CNTFR: variants seen among roughly 807,000 people sequenced by gnomAD.
CNTFR encodes the protein ciliary neurotrophic factor receptor subunit alpha.
Under a neutral mutation model 40.4 loss-of-function variants are expected in CNTFR, and 12 were observed. The observed-to-expected ratio is 0.30, with a 90% confidence interval of 0.19 to 0.48. The LOEUF (loss-of-function observed/expected upper bound fraction) is 0.48. CNTFR is among the 20% of genes least tolerant of loss of function. CNTFR has a pLI of 0.99. For synonymous variants in CNTFR, 202 were observed against 209.6 expected (o/e 0.96, Z 0.31); for missense variants, 414 against 506.8 (o/e 0.82, Z 1.76).
At chr9:34,576,940 G>A (rs1256279523) in intron 2 of CNTFR, among the ~76,000 whole-genome samples, 1 of 152,252 alleles carries the variant, frequency 6.6e-6, no homozygotes, top group Non-Finnish European at 1.5e-5. Context: ...AGAAAGGGCA[G>A]GAGAAGGGAA....
intron 2 of CNTFR, among the ~76,000 whole-genome samples, chr9:34,576,941 G>A (rs1395331875): frequency 6.6e-6 from 1 of 152,234 alleles, no homozygotes. Flanking sequence ...GAAAGGGCAG[G>A]AGAAGGGAAG....
rs1458486381 is a variant in CNTFR, at chr9:34,564,588, G to C, written c.319+11C>G. 1 of 1,599,232 alleles carries C rather than the reference G, an allele frequency of 6.3e-7. No individual in the cohort carries two copies. Among genetic ancestry groups the C allele is most frequent in the South Asian group, 1.1e-5 (1 of 88,756 alleles). On this transcript the variant is annotated intron_variant, in intron 4 of 9. Coordinates refer to ENST00000378980, the MANE Select transcript of CNTFR (RefSeq NM_147164.3). ...GAGGGAGGCTGGATGAGGGGTGGGG[G>C]CAACACTTACAGCCCACATGCAGCA...
chr9:34,551,952 TGAA>T lies in CNTFR; in HGVS notation c.*116_*118del. On this transcript the variant is annotated 3_prime_UTR_variant, in exon 10 of 10. Coordinates refer to ENST00000378980, the MANE Select transcript of CNTFR (RefSeq NM_147164.3). ...CGCCGGGGTCTCCACAAATTGTGTC[TGAA>T]GAGAATGCAAAAGGTCCTCCTGCCC... 1.4e-6 allele frequency: 1 copy of T among 740,404 alleles called. No individual in the cohort carries two copies. Among genetic ancestry groups the T allele is most frequent in the South Asian group, 1.5e-5 (1 of 68,038 alleles). 45.9% of individuals were successfully genotyped at this position (740,404 alleles called of 1,614,324 possible).
rs777784287 is a variant in CNTFR at position 34,556,370 on chromosome 9, T to C, written c.653A>G (p.Asn218Ser). 3 of 1,613,744 alleles carry C rather than the reference T, an allele frequency of 1.9e-6. No individual in the cohort carries two copies. The highest frequency in any genetic ancestry group is 4.5e-5 in the East Asian group (2 of 44,842). The change falls in exon 7 of 10, where the codon AAC becomes AGC. Residue 218 changes from asparagine (N) to serine (S), a missense_variant. Coordinates refer to ENST00000378980, the MANE Select transcript of CNTFR (RefSeq NM_147164.3). ...ENVVARPVPS[N>S]PRRLEVTWQT... ...CCACGTCACCTCCAGCCGGCGAGGGTTGCTGGGCACTGGCCGGGCTACCAC... is the reference window on the plus strand; with the variant it reads ...CCACGTCACCTCCAGCCGGCGAGGGCTGCTGGGCACTGGCCGGGCTACCAC...
At chr9:34,570,986 G>A (rs1361269016) in intron 2 of CNTFR, among the ~76,000 whole-genome samples, 1 of 152,050 alleles carries the variant, frequency 6.6e-6, no homozygotes, top group Non-Finnish European at 1.5e-5. Context: ...TGCCCTGACT[G>A]CCCCTCCCTG....
At chr9:34,568,720 G>A (rs1826426424) in intron 3 of CNTFR, among the ~76,000 whole-genome samples, 177 bp downstream of exon 3, 1 of 152,128 alleles carries the variant, frequency 6.6e-6, no homozygotes, top group African/African-American at 2.4e-5. Flanking sequence ...GACCACCCTA[G>A]TGTGAGTGTG....
At chr9:34,582,210 G>A (rs1040871664) in intron 1 of CNTFR, 3 of 150,922 alleles carry the variant, frequency 2.0e-5, no homozygotes, top group Non-Finnish European at 4.4e-5. Flanking sequence ...GGGAGGCGAA[G>A]GTTGCACTGA....
intron 7 of CNTFR, among the ~76,000 whole-genome samples, chr9:34,555,266 G>A (rs547986819): frequency 2.0e-5 from 3 of 152,176 alleles, no homozygotes; most frequent in Admixed American, 6.5e-5. Context: ...CAGGCTTTGT[G>A]GGGGACAGGC....
chr9:34,564,793 A>G lies in CNTFR; in HGVS notation c.125T>C (p.Val42Ala). The G allele has an allele frequency of 6.2e-7, 1 of 1,613,920 alleles. No homozygotes were observed. The highest frequency in any genetic ancestry group is 1.7e-4 in the Middle Eastern group (1 of 6,056). The change falls in exon 4 of 10, where the codon GTG (valine) becomes GCG (alanine). Residue 42 changes from valine to alanine, a missense_variant. Physicochemically the swap from Val to Ala is moderately conservative, Grantham distance 64. This residue lies in a region of CNTFR where 250 missense variants were observed against 269.5 expected (regional missense o/e 0.93). Coordinates refer to ENST00000378980, the MANE Select transcript of CNTFR (RefSeq NM_147164.3). Reference sequence around the variant, plus strand: ...GTTTGCTGTCCCACATGGCAGTGTCACGTCAGAGCCCAGGCGCTCGTACTG... The same window carrying G: ...GTTTGCTGTCCCACATGGCAGTGTCGCGTCAGAGCCCAGGCGCTCGTACTG... ...HVQYERLGSD[V>A]TLPCGTANWD... is the part of the protein sequence containing the mutation.
At chr9:34,573,543 C>T (rs1826786556) in intron 2 of CNTFR, among the ~76,000 whole-genome samples, 1 of 152,152 alleles carries the variant, frequency 6.6e-6, no homozygotes, top group Admixed American at 6.5e-5. Context: ...AGAAGGTCAC[C>T]GGATGGACTC....
At chr9:34,561,500 A>G (rs1195924688) in intron 4 of CNTFR, among the ~76,000 whole-genome samples, 1 of 152,110 alleles carries the variant, frequency 6.6e-6, no homozygotes, top group East Asian at 1.9e-4. Context: ...CCGTCATCCT[A>G]GGGAGGAGAG....
intron 2 of CNTFR, among the ~76,000 whole-genome samples, chr9:34,577,026 G>A (rs1467839299): frequency 6.6e-6 from 1 of 152,236 alleles, no homozygotes; most frequent in East Asian, 1.9e-4. Context: ...AGAGAGGTAG[G>A]GCAGATGCCC....
At position 34,564,791 on chromosome 9, in the gene CNTFR, TC is replaced by T; in HGVS notation, c.126del (p.Thr43HisfsTer13). The T allele has an allele frequency of 6.2e-7, 1 of 1,613,748 alleles. No homozygotes were observed. Among genetic ancestry groups the T allele is most frequent in the Non-Finnish European group, 8.5e-7 (1 of 1,179,936 alleles). ...CAGTTTGCTGTCCCACATGGCAGTG[TC>T]ACGTCAGAGCCCAGGCGCTCGTACT... ...HVQYERLGSD[V>X]TLPCGTANWD... is the part of the protein sequence containing the mutation. On this transcript the variant is annotated frameshift_variant, in exon 4 of 10. Coordinates refer to ENST00000378980, the MANE Select transcript of CNTFR (RefSeq NM_147164.3). LOFTEE classifies it high-confidence loss of function.
Position 34,556,297 on chromosome 9 carries a change from G to GA in CNTFR, c.725dup (p.Phe243LeufsTer44). ...GGATGAGGGGTCGGTAGCGCAGAAAGAACTTGAGAGGAAAAGACTCAGGGT... is the reference window on the plus strand; with the variant it reads ...GGATGAGGGGTCGGTAGCGCAGAAAGAAACTTGAGAGGAAAAGACTCAGGGT... On this transcript the variant is annotated frameshift_variant, in exon 7 of 10. Coordinates refer to ENST00000378980, the MANE Select transcript of CNTFR (RefSeq NM_147164.3). LOFTEE classifies it high-confidence loss of function. 6.2e-7 allele frequency: 1 copy of GA among 1,613,800 alleles called. No individual in the cohort carries two copies. Among genetic ancestry groups the GA allele is most frequent in the Non-Finnish European group, 8.5e-7 (1 of 1,179,916 alleles).
chr9:34,567,255 G>A (rs1273442449), intron 3 of CNTFR, among the ~76,000 whole-genome samples: 1 of 152,204 alleles, frequency 6.6e-6, no homozygotes, highest in Non-Finnish European at 1.5e-5. Context: ...TTAGAAGCCA[G>A]GATGAGAGAC....
chr9:34,569,129 C>A, intron 2 of CNTFR, 148 bp from the exon 3 acceptor site: 1 of 675,110 alleles, frequency 1.5e-6, no homozygotes, highest in Non-Finnish European at 2.5e-6. Context: ...TCACCCAACC[C>A]GACTGACACG....
chr9:34,578,407 T>A (rs1255186867), intron 2 of CNTFR, among the ~76,000 whole-genome samples: 1 of 151,922 alleles, frequency 6.6e-6, no homozygotes, highest in Non-Finnish European at 1.5e-5. Context: ...GAAGGGACCC[T>A]CCCCGCTCCG....
intron 2 of CNTFR, among the ~76,000 whole-genome samples, chr9:34,574,798 A>G (rs1392169073): frequency 6.6e-6 from 1 of 152,194 alleles, no homozygotes; most frequent in East Asian, 1.9e-4. Context: ...AGCCTCTTGC[A>G]CCGTGGGGAC....
chr9:34,562,155 A>C (rs1437421233), intron 4 of CNTFR, among the ~76,000 whole-genome samples: 1 of 152,246 alleles, frequency 6.6e-6, no homozygotes, highest in Non-Finnish European at 1.5e-5. Flanking sequence ...TTCTGGGCCC[A>C]AACTGAGAAG....
Sources: allele counts gnomAD v4.1 joint callset (sites outside exome capture counted in the v4.1 genomes callset), GRCh38; gene constraint gnomAD v4.1.1; regional missense constraint gnomAD v4.1.1; transcripts MANE v1.5; gene names NCBI Gene and HGNC (gene_info 2026-07-23, HGNC 2026-07-21).